The following IQUB variants were observed in gnomAD, a reference collection of about 807,000 sequenced individuals.
The protein encoded by IQUB is IQ motif and ubiquitin domain containing.
IQUB carries 86 observed loss-of-function variants against 86.4 expected under a neutral mutation model. The observed-to-expected ratio is 1.00, with a 90% CI of 0.84 to 1.19. The LOEUF is 1.19. IQUB is among the 50% of genes most tolerant of loss of function. The pLI is 0.00. For synonymous variants in IQUB, 289 were observed against 304.5 expected (o/e 0.95, Z 0.53); for missense variants, 946 against 916.9 (o/e 1.03, Z -0.41).
Position 123,496,924 on chromosome 7 carries a change from G to A in IQUB, c.1024-18C>T. ...ACTATCACCTATAGTTAAATTAAAAGGAAATAGAAAGTGCCTATCATCAAC... is the reference window on the plus strand; with the variant it reads ...ACTATCACCTATAGTTAAATTAAAAAGAAATAGAAAGTGCCTATCATCAAC... On this transcript the variant is annotated intron_variant, in intron 6 of 12. Transcript: ENST00000324698. 3 of 1,528,616 alleles carry A rather than the reference G, an allele frequency of 2.0e-6. No individual in the cohort carries two copies. Among genetic ancestry groups the A allele is most frequent in the Non-Finnish European group, 1.8e-6 (2 of 1,129,548 alleles). The allele number at this position is 1,528,616 out of a possible 1,614,324, so 94.7% of individuals were successfully genotyped here. A position where few individuals can be genotyped will look rare whatever the true frequency, so the allele number is the denominator to read the frequency against.
At chr7:123,465,611 G>A (rs979483926) in intron 9 of IQUB, among the ~76,000 whole-genome samples, 13 of 152,004 alleles carry the variant, frequency 8.6e-5, no homozygotes, top group African/African-American at 2.2e-4. Context: ...AGCGATTAAT[G>A]TAGAAATATT....
At position 123,502,657 on chromosome 7, in the gene IQUB, T is replaced by C. The variant is rs770402361; in HGVS notation, c.963A>G (p.Lys321=). 1.2e-6 allele frequency: 2 copies of C among 1,613,042 alleles called. No individual in the cohort carries two copies. Among genetic ancestry groups the C allele is most frequent in the Non-Finnish European group, 1.7e-6 (2 of 1,179,336 alleles). The stretch of plus-strand genomic sequence containing the variant: ...AAAAATACTTTCCTGGTGTTACCAG[T>C]TTATCAGTCATATTTGATACATATA... ...IGVYVSNMTD[K]LVTPGKYFSA... The change falls in exon 6 of 13, where the codon AAA becomes AAG. Residue 321 remains lysine (K), a synonymous_variant. Transcript: ENST00000324698.
chr7:123,492,432 T>C (rs1004497249), intron 7 of IQUB, among the ~76,000 whole-genome samples: 2 of 152,164 alleles, frequency 1.3e-5, no homozygotes, highest in South Asian at 2.1e-4. Flanking sequence ...CCAGAGCACA[T>C]AGGAGAAAAG....
Position 123,461,430 on chromosome 7 carries a change from T to G in IQUB, c.1934A>C (p.Lys645Thr), listed in dbSNP as rs371713540. The change falls in exon 11 of 13, where the codon AAA becomes ACA. Residue 645 changes from lysine to threonine, a missense_variant. By Grantham distance (78) the Lys-to-Thr change is moderately conservative. Transcript: ENST00000324698. ...ATAGTAGAGCTGTTGAAGTAAACAT[T>G]TGTACTTCAAAAATGATTCTCGTTT... ...AQKRESFLKY[K>T]CLLQQLYYTE... The G allele has an allele frequency of 2.5e-5, 40 of 1,611,722 alleles. No individual in the cohort carries two copies. The highest frequency in any genetic ancestry group is 3.4e-5 in the Non-Finnish European group (40 of 1,178,432).
chr7:123,502,586 A>G lies in IQUB; in HGVS notation c.1023+11T>C. The G allele has an allele frequency of 6.2e-7, 1 of 1,607,130 alleles. No individual in the cohort carries two copies. The highest frequency in any genetic ancestry group is 8.5e-7 in the Non-Finnish European group (1 of 1,177,992). On this transcript the variant is annotated intron_variant, in intron 6 of 12. Transcript: ENST00000324698. ...ATTTTTAGTATTCATCCACAATAAA[A>G]GTTATCTCACCGCCTTTAGTCTTTG...
Position 123,464,986 on chromosome 7 carries a change from C to T in IQUB, c.1605G>A (p.Gln535=). 2 of 1,591,324 alleles carry T rather than the reference C, an allele frequency of 1.3e-6. No individual in the cohort carries two copies. Among genetic ancestry groups the T allele is most frequent in the Non-Finnish European group, 1.7e-6 (2 of 1,169,544 alleles). Residue 535 remains glutamine (Q), a synonymous_variant, in exon 10 of 13, where the codon CAG becomes CAA. Transcript: ENST00000324698. ...CTCTGTCAATCAATTCTAGAATTTC[C>T]TGAGTTAGTTTACATTCATGTTCCT... ...TVKEHECKLT[Q]EILELIDREV...
intron 7 of IQUB, among the ~76,000 whole-genome samples, chr7:123,480,288 G>A (rs894264619): frequency 1.3e-5 from 2 of 152,116 alleles, no homozygotes; most frequent in Non-Finnish European, 2.9e-5. Context: ...AGCGTGCACT[G>A]TTCACATCTC....
intron 1 of IQUB, among the ~76,000 whole-genome samples, chr7:123,519,619 T>A (rs1796810308): frequency 6.6e-6 from 1 of 151,896 alleles, no homozygotes; most frequent in African/African-American, 2.4e-5. Flanking sequence ...GGATAGAGAG[T>A]AGAATGATGG....
At position 123,461,618 on chromosome 7, in the gene IQUB, TA is replaced by T. The variant is rs757437227; in HGVS notation, c.1759-14del. 2.0e-6 allele frequency: 3 copies of T among 1,537,370 alleles called. No homozygotes were observed. The South Asian group carries it at 3.8e-5, about 19-fold the overall frequency. ...GGTCTTGAGGGACCTAAATAAATAGTAAAAAAAGAAAAAAAAGGTCTAAAAA... is the reference window on the plus strand; with the variant it reads ...GGTCTTGAGGGACCTAAATAAATAGTAAAAAAGAAAAAAAAGGTCTAAAAA... On this transcript the variant is annotated splice_polypyrimidine_tract_variant and intron_variant, in intron 10 of 12. Coordinates refer to ENST00000324698, the MANE Select transcript of IQUB (RefSeq NM_178827.5).
At chr7:123,509,851 A>T in intron 3 of IQUB, 50 bp downstream of exon 3, 2 of 1,464,882 alleles carry the variant, frequency 1.4e-6, no homozygotes, top group Non-Finnish European at 1.9e-6. Context: ...GATTGTTTAC[A>T]TGTTAAAACT....
chr7:123,459,107 A>G (rs1793859013), intron 11 of IQUB, among the ~76,000 whole-genome samples: 2 of 151,962 alleles, frequency 1.3e-5, no homozygotes, highest in African/African-American at 2.4e-5. Flanking sequence ...GGACACTCAT[A>G]TTTGTCTGCT....
chr7:123,469,808 AC>A (rs1794443597), intron 8 of IQUB, among the ~76,000 whole-genome samples: 2 of 152,162 alleles, frequency 1.3e-5, no homozygotes, highest in Admixed American at 6.5e-5. Context: ...ATATATTTAG[AC>A]CTAAAGATAT....
At chr7:123,483,500 A>G (rs1419793735) in intron 7 of IQUB, among the ~76,000 whole-genome samples, 1 of 152,114 alleles carries the variant, frequency 6.6e-6, no homozygotes, top group Non-Finnish European at 1.5e-5. Flanking sequence ...TAATTGCCCA[A>G]ACCCTATCAC....
intron 6 of IQUB, chr7:123,501,789 A>G (rs186006281): frequency 1.3e-5 from 2 of 152,238 alleles, no homozygotes; most frequent in East Asian, 1.9e-4. Context: ...TGAGACAATC[A>G]GAATACTGCT....
chr7:123,510,134 A>G (rs1334124300), intron 2 of IQUB, 99 bp from the exon 3 acceptor site: 3 of 720,432 alleles, frequency 4.2e-6, no homozygotes, highest in Non-Finnish European at 6.7e-6. Flanking sequence ...TTAATTTTTA[A>G]TTACATAGAA....
At chr7:123,523,708 T>C (rs1346865789) in intron 1 of IQUB, among the ~76,000 whole-genome samples, 1 of 152,094 alleles carries the variant, frequency 6.6e-6, no homozygotes, top group Non-Finnish European at 1.5e-5. Flanking sequence ...TTTAGTTTAA[T>C]TAGATCCCAT....
intron 8 of IQUB, 34 bp from the exon 9 acceptor site, chr7:123,469,418 T>A: frequency 7.5e-7 from 1 of 1,326,712 alleles, no homozygotes; most frequent in Non-Finnish European, 1.0e-6. Context: ...AATTATCAGT[T>A]AATTAGAAAC....
intron 1 of IQUB, among the ~76,000 whole-genome samples, chr7:123,527,529 A>T (rs1324090050): frequency 6.6e-6 from 1 of 152,038 alleles, no homozygotes; most frequent in Admixed American, 6.6e-5. Context: ...GTTTTCCTTC[A>T]AACAGACAGG....
chr7:123,478,240 A>G (rs1448664482), intron 8 of IQUB, among the ~76,000 whole-genome samples: 1 of 150,370 alleles, frequency 6.7e-6, no homozygotes, highest in African/African-American at 2.5e-5. Context: ...ATGGAATACT[A>G]TGCAGCCATA....
Sources: allele counts gnomAD v4.1 joint callset (sites outside exome capture counted in the v4.1 genomes callset), GRCh38; gene constraint gnomAD v4.1.1; transcripts MANE v1.5; gene names NCBI Gene and HGNC (gene_info 2026-07-23, HGNC 2026-07-21).